Variants in DGKI observed in about 807,000 individuals in gnomAD.
DGKI encodes the protein diacylglycerol kinase iota.
A neutral mutation model predicts 147.5 loss-of-function variants in DGKI; 55 were observed. That is an observed-to-expected ratio of 0.37 (90% CI 0.30 to 0.47). The LOEUF is 0.47. DGKI is among the 20% of genes least tolerant of loss of function. The probability of loss-of-function intolerance (pLI) is 1.00; values close to 1 mark genes in which losing one functional copy is unlikely to be tolerated. For synonymous variants in DGKI, 469 were observed against 477.1 expected (o/e 0.98, Z 0.22); for missense variants, 1,007 against 1,323.8 (o/e 0.76, Z 3.71).
chr7:137,558,747 CTT>C (rs1191118957), intron 19 of DGKI, among the ~76,000 whole-genome samples: 1 of 129,658 alleles, frequency 7.7e-6, no homozygotes, highest in Non-Finnish European at 1.5e-5. Context: ...GCTACAATCA[CTT>C]TCAGAACTAG....
At chr7:137,640,677 T>C (rs1477522937) in intron 6 of DGKI, among the ~76,000 whole-genome samples, 1 of 152,170 alleles carries the variant, frequency 6.6e-6, no homozygotes, top group Non-Finnish European at 1.5e-5. Context: ...TTTCCATTAT[T>C]TTTATACTCT....
At chr7:137,517,465 C>T (rs942865115) in intron 21 of DGKI, among the ~76,000 whole-genome samples, 13 of 151,812 alleles carry the variant, frequency 8.6e-5, no homozygotes, top group African/African-American at 2.7e-4. Flanking sequence ...GGTTACAGAT[C>T]AGAAGAGACT....
intron 10 of DGKI, among the ~76,000 whole-genome samples, chr7:137,602,870 G>T (rs1051618779): frequency 2.0e-5 from 3 of 151,378 alleles, no homozygotes; most frequent in Non-Finnish European, 1.5e-5. Flanking sequence ...CAACTTTTGT[G>T]CAAGAGTCTA....
At chr7:137,727,353 T>G (rs1171224535) in intron 1 of DGKI, among the ~76,000 whole-genome samples, 1 of 152,096 alleles carries the variant, frequency 6.6e-6, no homozygotes, top group Non-Finnish European at 1.5e-5. Flanking sequence ...AAAGTTATCA[T>G]CAAAAAGAAA....
intron 2 of DGKI, among the ~76,000 whole-genome samples, chr7:137,687,819 C>T (rs1223964266): frequency 6.6e-6 from 1 of 152,068 alleles, no homozygotes; most frequent in Non-Finnish European, 1.5e-5. Context: ...TAGATGTCAG[C>T]TAAGTGTTTC....
At chr7:137,426,257 A>T (rs982313285) in intron 28 of DGKI, among the ~76,000 whole-genome samples, 2 of 152,226 alleles carry the variant, frequency 1.3e-5, no homozygotes, top group Non-Finnish European at 2.9e-5. Flanking sequence ...ACATTCTTAA[A>T]GACAAGAATT....
intron 30 of DGKI, among the ~76,000 whole-genome samples, chr7:137,403,623 C>T (rs1465357748): frequency 1.3e-5 from 2 of 152,124 alleles, no homozygotes; most frequent in African/African-American, 4.8e-5. Flanking sequence ...GTGCACCTGG[C>T]AAAGAGCCTG....
rs182831201 is a variant in DGKI, at chr7:137,767,023, C to T, written c.402-77021G>A. On this transcript the variant is annotated intron_variant, in intron 1 of 32. Coordinates refer to ENST00000614521, the MANE Select transcript of DGKI (RefSeq NM_001321708.2). Reference sequence around the variant, plus strand: ...AGTGGGGGGCCACTACCAGACGAGCCGGGGCCACCCACAGAAGGTGTCCTG... The same window carrying T: ...AGTGGGGGGCCACTACCAGACGAGCTGGGGCCACCCACAGAAGGTGTCCTG... Among the ~76,000 whole-genome samples the T allele has an allele frequency of 8.5e-5, 13 of 152,258 alleles. No homozygotes were observed. The East Asian group carries it at 1.9e-3, about 23-fold the overall frequency.
At chr7:137,679,990 CAAA>C (rs768437551) in intron 2 of DGKI, among the ~76,000 whole-genome samples, 23 of 54,062 alleles carry the variant, frequency 4.3e-4, no homozygotes, top group African/African-American at 1.1e-3. Context: ...GACTCCATCT[CAAA>C]AAAAAAAAAA....
At position 137,478,300 on chromosome 7, in the gene DGKI, G is replaced by A. The variant is rs765938970; in HGVS notation, c.2373+7074C>T. On this transcript the variant is annotated intron_variant, in intron 23 of 32. Transcript: ENST00000614521. ...CAGACAGGAATTCACAATTTACCGC[G>A]ATAGTCCATAAACTTTTTATGCTCG... Among the ~76,000 whole-genome samples the A allele has an allele frequency of 6.6e-5, 10 of 152,282 alleles. No homozygotes were observed. The East Asian group carries it at 1.2e-3, about 18-fold the overall frequency.
intron 1 of DGKI, among the ~76,000 whole-genome samples, chr7:137,743,523 T>A (rs1010172602): frequency 1.3e-5 from 2 of 152,168 alleles, no homozygotes; most frequent in East Asian, 1.9e-4. Flanking sequence ...AACTTGCACA[T>A]GAATGACTTT....
intron 1 of DGKI, among the ~76,000 whole-genome samples, chr7:137,715,717 A>T (rs1407764189): frequency 1.3e-5 from 2 of 152,256 alleles, no homozygotes; most frequent in East Asian, 3.8e-4. Flanking sequence ...AAAAGCATGT[A>T]TAACTCAGAA....
At chr7:137,514,989 C>A (rs147585413) in intron 21 of DGKI, among the ~76,000 whole-genome samples, 303 of 152,286 alleles carry the variant, frequency 2.0e-3, no homozygotes, top group African/African-American at 7.0e-3. Context: ...TAAGCCCCCT[C>A]CATGTGCTGA....
chr7:137,408,699 T>C (rs1585085338), intron 29 of DGKI, among the ~76,000 whole-genome samples: 1 of 151,922 alleles, frequency 6.6e-6, no homozygotes, highest in African/African-American at 2.4e-5. Context: ...AGTTTCTATA[T>C]GAGAGAAGAC....
intron 7 of DGKI, among the ~76,000 whole-genome samples, chr7:137,620,801 T>G (rs975256615): frequency 9.2e-5 from 14 of 152,222 alleles, no homozygotes; most frequent in African/African-American, 3.1e-4. Flanking sequence ...TGATGTGTAA[T>G]AACATTTATT....
chr7:137,839,208 T>A (rs1255366984), intron 1 of DGKI, among the ~76,000 whole-genome samples: 2 of 152,188 alleles, frequency 1.3e-5, no homozygotes, highest in Non-Finnish European at 1.5e-5. Flanking sequence ...TCCAAAGCAC[T>A]AAGAAGCAGC....
intron 19 of DGKI, among the ~76,000 whole-genome samples, chr7:137,563,661 C>CAAT (rs111443682): frequency 0.11 from 16,584 of 151,638 alleles, 2,028 homozygotes; most frequent in African/African-American, 0.3. Flanking sequence ...TATATATTAG[C>CAAT]AATAATTAAA....
At chr7:137,434,508 G>C (rs1355343645) in intron 28 of DGKI, among the ~76,000 whole-genome samples, 1 of 152,166 alleles carries the variant, frequency 6.6e-6, no homozygotes, top group East Asian at 1.9e-4. Flanking sequence ...TTGAACCTGG[G>C]AGACGGAGGT....
At chr7:137,791,445 C>G (rs894596662) in intron 1 of DGKI, among the ~76,000 whole-genome samples, 2 of 152,100 alleles carry the variant, frequency 1.3e-5, no homozygotes, top group African/African-American at 4.8e-5. Flanking sequence ...AAAGAAAAGG[C>G]TTGTTTCATT....
Sources: gnomAD v4.1 joint callset for allele counts (sites outside exome capture counted in the v4.1 genomes callset) on GRCh38, gnomAD v4.1.1 for gene constraint, MANE v1.5 for transcripts, NCBI Gene and HGNC (gene_info 2026-07-23, HGNC 2026-07-21) for gene names.